Variants in TAS2R1 observed in about 807,000 individuals in gnomAD.
The protein encoded by TAS2R1 is taste 2 receptor member 1.
For synonymous variants in TAS2R1, 141 were observed against 134.2 expected, an observed-to-expected ratio of 1.05 and a Z score of -0.35; for missense variants, 370 against 353.4, an observed-to-expected ratio of 1.05 and a Z score of -0.38.
the TAS2R1 span, among the ~76,000 whole-genome samples, chr5:9,734,620 T>G: frequency 3.3e-5 from 5 of 152,200 alleles, no homozygotes; most frequent in African/African-American, 1.2e-4. Flanking sequence ...TTGCCTACTA[T>G]GTATTTACTA....
At chr5:9,780,956 C>A in the TAS2R1 span, among the ~76,000 whole-genome samples, 3 of 152,286 alleles carry the variant, frequency 2.0e-5, no homozygotes, top group African/African-American at 4.8e-5. Flanking sequence ...AGTTTCTAGT[C>A]CACCAGCTTG....
At chr5:9,760,016 G>A in the TAS2R1 span, among the ~76,000 whole-genome samples, 2 of 152,172 alleles carry the variant, frequency 1.3e-5, no homozygotes, top group East Asian at 3.8e-4. Context: ...AGAACTTAAA[G>A]AGGGGTCATA....
the TAS2R1 span, among the ~76,000 whole-genome samples, chr5:9,846,521 C>T: frequency 6.6e-6 from 1 of 152,288 alleles, no homozygotes; most frequent in East Asian, 1.9e-4. Context: ...GAACAGAGAC[C>T]ATTTGAAATA....
chr5:9,725,549 T>C, the TAS2R1 span, among the ~76,000 whole-genome samples: 1 of 152,178 alleles, frequency 6.6e-6, no homozygotes, highest in Admixed American at 6.5e-5. Context: ...CTTAGCTGCC[T>C]CCCCACGGGG....
chr5:9,790,797 T>A, the TAS2R1 span, among the ~76,000 whole-genome samples: 2 of 151,852 alleles, frequency 1.3e-5, no homozygotes, highest in Admixed American at 1.3e-4. Flanking sequence ...CCTGGCTAAT[T>A]TTTTTTTGTA....
the TAS2R1 span, among the ~76,000 whole-genome samples, chr5:9,720,231 T>C: frequency 1.3e-5 from 2 of 152,230 alleles, no homozygotes; most frequent in Admixed American, 6.5e-5. Flanking sequence ...AAAATCTCTG[T>C]AGCATTCAAC....
At chr5:9,634,788 C>A (rs542883127), upstream of TAS2R1, among the ~76,000 whole-genome samples, 1 of 152,072 alleles carries the variant, frequency 6.6e-6, no homozygotes, top group Non-Finnish European at 1.5e-5. Flanking sequence ...TTTGTGTACA[C>A]TGACTTTGTA....
At chr5:9,703,069 G>T (rs1741525184) in intron 1 of TAS2R1, among the ~76,000 whole-genome samples, 1 of 152,130 alleles carries the variant, frequency 6.6e-6, no homozygotes, top group African/African-American at 2.4e-5. Flanking sequence ...ACCACAGTTG[G>T]GCTGACACTT....
At chr5:9,664,079 T>G (rs765566476) in intron 1 of TAS2R1, among the ~76,000 whole-genome samples, 42 of 152,276 alleles carry the variant, frequency 2.8e-4, no homozygotes, top group South Asian at 6.2e-4. Flanking sequence ...CATGGAAGTT[T>G]GTGGTGGTTT....
At chr5:9,676,190 G>C (rs1389866505) in intron 1 of TAS2R1, among the ~76,000 whole-genome samples, 3 of 152,096 alleles carry the variant, frequency 2.0e-5, no homozygotes, top group African/African-American at 7.2e-5. Flanking sequence ...TAAATTCCAA[G>C]GATAAATCCC....
chr5:9,842,199 T>C, the TAS2R1 span, among the ~76,000 whole-genome samples: 1 of 152,086 alleles, frequency 6.6e-6, no homozygotes, highest in Non-Finnish European at 1.5e-5. Context: ...GTGTGTCTCA[T>C]AATTTTTTAT....
chr5:9,891,611 G>C, the TAS2R1 span, among the ~76,000 whole-genome samples: 2 of 152,022 alleles, frequency 1.3e-5, no homozygotes, highest in Admixed American at 1.3e-4. Flanking sequence ...CCTACTTCTA[G>C]GTGGCTGCTA....
intron 1 of TAS2R1, among the ~76,000 whole-genome samples, chr5:9,689,995 G>T (rs1741206904): frequency 6.6e-6 from 1 of 152,148 alleles, no homozygotes; most frequent in Non-Finnish European, 1.5e-5. Context: ...GATGAGAACA[G>T]AAGTTTTGTT....
intron 1 of TAS2R1, among the ~76,000 whole-genome samples, chr5:9,706,256 C>A (rs1335619423): frequency 6.6e-6 from 1 of 152,162 alleles, no homozygotes; most frequent in Non-Finnish European, 1.5e-5. Flanking sequence ...TTGAGGCTAT[C>A]TTGGGCCAGT....
chr5:9,840,282 G>A, the TAS2R1 span, among the ~76,000 whole-genome samples: 758 of 152,166 alleles, frequency 5.0e-3, 2 homozygotes, highest in Non-Finnish European at 6.5e-3. Context: ...CAGACTTCTG[G>A]GATTCACATT....
the TAS2R1 span, among the ~76,000 whole-genome samples, chr5:9,848,687 C>T: frequency 1.3e-5 from 2 of 152,082 alleles, no homozygotes; most frequent in African/African-American, 2.4e-5. Context: ...GAAAACAGCA[C>T]ATGGTACACT....
intron 1 of TAS2R1, among the ~76,000 whole-genome samples, chr5:9,698,576 A>C (rs1741411811): frequency 6.6e-6 from 1 of 152,188 alleles, no homozygotes; most frequent in Non-Finnish European, 1.5e-5. Flanking sequence ...ACAGTTCAAA[A>C]ATGTGCTCTT....
intron 1 of TAS2R1, among the ~76,000 whole-genome samples, chr5:9,662,481 G>A (rs1008785890): frequency 6.6e-6 from 1 of 152,136 alleles, no homozygotes; most frequent in Non-Finnish European, 1.5e-5. Flanking sequence ...TTCCATCCAG[G>A]AGTGACAGTT....
the TAS2R1 span, among the ~76,000 whole-genome samples, chr5:9,857,460 T>G: frequency 4.6e-5 from 7 of 152,184 alleles, no homozygotes; most frequent in African/African-American, 1.7e-4. Context: ...GAAGAGTAGC[T>G]AATGGATGTG....
Sources: allele counts gnomAD v4.1 joint callset (sites outside exome capture counted in the v4.1 genomes callset), GRCh38; gene constraint gnomAD v4.1.1; transcripts MANE v1.5; gene names NCBI Gene and HGNC (gene_info 2026-07-23, HGNC 2026-07-21).